The following PLD5 variants were observed in gnomAD, a reference collection of about 807,000 sequenced individuals.
PLD5 encodes the protein inactive phospholipase D5.
PLD5 carries 36 observed loss-of-function variants against 61.1 expected under a neutral mutation model. That is an observed-to-expected ratio of 0.59 (90% CI 0.45 to 0.78). The LOEUF is 0.78. PLD5 is among the 30% of genes least tolerant of loss of function. PLD5 has a pLI of 0.00. For missense variants in PLD5, 515 were observed against 644.4 expected (o/e 0.80, Z 2.17); for synonymous variants, 243 against 242.8 (o/e 1.00, Z -0.01).
chr1:242,369,624 A>T (rs1661525417), intron 1 of PLD5, among the ~76,000 whole-genome samples: 1 of 152,198 alleles, frequency 6.6e-6, no homozygotes, highest in Admixed American at 6.5e-5. Flanking sequence ...AGGTTTTGTG[A>T]GGTCAGAGGA....
At chr1:242,325,463 C>T (rs758594489) in intron 2 of PLD5, among the ~76,000 whole-genome samples, 1 of 94,512 alleles carries the variant, frequency 1.1e-5, no homozygotes, top group Non-Finnish European at 2.0e-5. Flanking sequence ...GAGAGAGGGA[C>T]AGAGAGAGTA....
chr1:242,525,901 C>A (rs1484235734), upstream of PLD5, among the ~76,000 whole-genome samples: 4 of 152,150 alleles, frequency 2.6e-5, no homozygotes, highest in African/African-American at 9.7e-5. Context: ...GGGGATGAAA[C>A]AACTAAACAC....
intron 3 of PLD5, among the ~76,000 whole-genome samples, chr1:242,271,264 G>T (rs1259977653): frequency 7.0e-6 from 1 of 142,630 alleles, no homozygotes. Flanking sequence ...GGAATCAGGG[G>T]AAAAGGCTGA....
rs143265659 is a variant in PLD5 at position 242,262,705 on chromosome 1, G to A, written c.607+2632C>T. 6.5e-3 allele frequency among the ~76,000 whole-genome samples: 983 copies of A among 152,254 alleles called. 6 individuals are homozygous for A. Among genetic ancestry groups the A allele is most frequent in the Non-Finnish European group, 7.1e-3 (482 of 68,016 alleles). ...CTCATTAGATGTGGCGTACGAGAGC[G>A]TGGAGTTGAGTTTCTAACATGAGTG... On this transcript the variant is annotated intron_variant, in intron 4 of 9. Coordinates refer to ENST00000536534, the MANE Select transcript of PLD5 (RefSeq NM_001372062.1).
chr1:242,456,553 A>G lies in PLD5; in HGVS notation c.189+67535T>C, dbSNP rs181609202. Among the ~76,000 whole-genome samples the G allele has an allele frequency of 1.9e-3, 286 of 152,342 alleles. 1 individual carries two copies. The highest frequency in any genetic ancestry group is 6.8e-3 in the Middle Eastern group (2 of 294). ...AGGCTGAGTGCGCAAGTCAGCAAGCAAGTTTGCATATTTAGAATTACTGTG... is the reference window on the plus strand; with the variant it reads ...AGGCTGAGTGCGCAAGTCAGCAAGCGAGTTTGCATATTTAGAATTACTGTG... On this transcript the variant is annotated intron_variant, in intron 1 of 9. Coordinates refer to ENST00000536534, the MANE Select transcript of PLD5 (RefSeq NM_001372062.1).
chr1:242,322,942 GTTTA>G (rs1429188519), intron 2 of PLD5, among the ~76,000 whole-genome samples: 1 of 152,064 alleles, frequency 6.6e-6, no homozygotes, highest in Non-Finnish European at 1.5e-5. Context: ...CTATATTACT[GTTTA>G]TTATCTGTCT....
intron 4 of PLD5, among the ~76,000 whole-genome samples, chr1:242,228,103 A>G (rs1481233323): frequency 6.6e-6 from 1 of 152,226 alleles, no homozygotes; most frequent in Non-Finnish European, 1.5e-5. Flanking sequence ...GCGTGTTCAC[A>G]TTTACACATT....
chr1:242,154,610 TTC>T (rs892826978), intron 5 of PLD5, among the ~76,000 whole-genome samples: 1 of 152,184 alleles, frequency 6.6e-6, no homozygotes, highest in African/African-American at 2.4e-5. Context: ...ATCATGTGGT[TTC>T]TGTCATTGGT....
chr1:242,104,693 GT>G (rs1660917250), intron 8 of PLD5, among the ~76,000 whole-genome samples: 3 of 152,038 alleles, frequency 2.0e-5, no homozygotes, highest in Admixed American at 2.0e-4. Flanking sequence ...TATCTCTTAA[GT>G]TTTTTTGTAG....
At chr1:242,390,710 G>T (rs2149264036) in intron 1 of PLD5, among the ~76,000 whole-genome samples, 1 of 152,214 alleles carries the variant, frequency 6.6e-6, no homozygotes, top group South Asian at 2.1e-4. Flanking sequence ...ATGTGGTTTG[G>T]CATGAAATCA....
intron 4 of PLD5, among the ~76,000 whole-genome samples, chr1:242,228,725 G>GAGAGGA (rs898765975): frequency 2.0e-5 from 3 of 149,396 alleles, no homozygotes; most frequent in Non-Finnish European, 4.5e-5. Context: ...AGAGGAAGAG[G>GAGAGGA]AGAGGAAGAG....
chr1:242,271,762 AAAG>A (rs2149113249), intron 3 of PLD5, among the ~76,000 whole-genome samples: 1 of 152,256 alleles, frequency 6.6e-6, no homozygotes, highest in South Asian at 2.1e-4. Context: ...GAACACCATC[AAAG>A]AAGATGAGGG....
chr1:242,426,108 C>T (rs531832901), intron 1 of PLD5, among the ~76,000 whole-genome samples: 1 of 152,012 alleles, frequency 6.6e-6, no homozygotes, highest in African/African-American at 2.4e-5. Context: ...ACATTTTAAA[C>T]GTTTTTGTTA....
At chr1:242,370,704 T>C (rs1408191541) in intron 1 of PLD5, among the ~76,000 whole-genome samples, 6 of 152,136 alleles carry the variant, frequency 3.9e-5, no homozygotes, top group African/African-American at 1.4e-4. Flanking sequence ...GAACACACTG[T>C]CAATGTCAAT....
chr1:242,512,220 G>A (rs188520782), intron 1 of PLD5, among the ~76,000 whole-genome samples: 55 of 151,242 alleles, frequency 3.6e-4, no homozygotes, highest in Admixed American at 2.9e-3. Flanking sequence ...GACCATCCTG[G>A]CTAACACGGT....
intron 2 of PLD5, among the ~76,000 whole-genome samples, chr1:242,325,724 T>C (rs538105707): frequency 6.6e-6 from 1 of 152,174 alleles, no homozygotes; most frequent in Admixed American, 6.5e-5. Context: ...TCGAGGGCTT[T>C]TTTTACCTGG....
At chr1:242,448,645 G>A (rs746021704) in intron 1 of PLD5, among the ~76,000 whole-genome samples, 31 of 152,264 alleles carry the variant, frequency 2.0e-4, no homozygotes, top group Non-Finnish European at 3.2e-4. Context: ...AGAGAGCAGA[G>A]GCCAAGAGAT....
intron 4 of PLD5, among the ~76,000 whole-genome samples, chr1:242,260,245 G>T (rs1484763170): frequency 6.6e-6 from 1 of 152,018 alleles, no homozygotes; most frequent in Non-Finnish European, 1.5e-5. Flanking sequence ...TACTTGGGAG[G>T]CTGAGGCAGA....
chr1:242,197,573 A>C (rs1294372943), intron 5 of PLD5, among the ~76,000 whole-genome samples: 1 of 151,952 alleles, frequency 6.6e-6, no homozygotes, highest in African/African-American at 2.4e-5. Context: ...GCTTCAGCTC[A>C]GATATCACCT....
Sources: allele counts gnomAD v4.1 joint callset (sites outside exome capture counted in the v4.1 genomes callset), GRCh38; gene constraint gnomAD v4.1.1; transcripts MANE v1.5; gene names NCBI Gene and HGNC (gene_info 2026-07-23, HGNC 2026-07-21).